The following GRIA2 variants were observed in gnomAD, a reference collection of about 807,000 sequenced individuals.
GRIA2 encodes the protein glutamate ionotropic receptor AMPA type subunit 2, also known as glutamate receptor 2.
A neutral mutation model predicts 97.3 loss-of-function variants in GRIA2; 14 were observed. The ratio of observed to expected loss-of-function variants is 0.14; its 90% CI spans 0.10 to 0.23. GRIA2 has a LOEUF of 0.23. GRIA2 is among the 10% of genes least tolerant of loss of function. The pLI is 1.00. For synonymous variants in GRIA2, 412 were observed against 387.8 expected (o/e 1.06, Z -0.73); for missense variants, 558 against 1,069.8 (o/e 0.52, Z 6.67).
intron 2 of GRIA2, among the ~76,000 whole-genome samples, chr4:157,254,580 T>C (rs1416824609): frequency 6.6e-6 from 1 of 152,004 alleles, no homozygotes; most frequent in Non-Finnish European, 1.5e-5. Context: ...TAAGAAGAGA[T>C]ACAAATATCC....
At position 157,361,385 on chromosome 4, in the gene GRIA2, T is replaced by C. The variant is rs1465793584; in HGVS notation, c.2406+261T>C. On this transcript the variant is annotated intron_variant, in intron 14 of 15. Transcript: ENST00000264426. The surrounding 1 kb of genome is among the most constrained non-coding windows in gnomAD (Gnocchi z 5.2). ...CTGCTGGTTACTTCCAGCGATACATTAATGCTCATTTGGCTCTGCAAATCT... is the reference window on the plus strand; with the variant it reads ...CTGCTGGTTACTTCCAGCGATACATCAATGCTCATTTGGCTCTGCAAATCT... Among the ~76,000 whole-genome samples the C allele has an allele frequency of 6.6e-6, 1 of 152,184 alleles. No homozygotes were observed. Among genetic ancestry groups the C allele is most frequent in the African/African-American group, 2.4e-5 (1 of 41,456 alleles).
In GRIA2 at chr4:157,341,432, A is replaced by C; in HGVS notation, c.2013A>C (p.Leu671Phe). 1.2e-6 allele frequency: 2 copies of C among 1,611,702 alleles called. No homozygotes were observed. The highest frequency in any genetic ancestry group is 1.1e-5 in the South Asian group (1 of 91,060). The change falls in exon 12 of 16, where the codon TTA becomes TTC. Residue 671 changes from leucine (L) to phenylalanine (F), a missense_variant. Physicochemically the swap from Leu to Phe is conservative, Grantham distance 22. This residue lies in a region of GRIA2 where 125 missense variants were observed against 310.2 expected (regional missense o/e 0.40). Transcript: ENST00000264426. ...SKQTEIAYGT[L>F]DSGSTKEFFR... is the part of the protein sequence containing the mutation. ...AAACAGAAATTGCTTATGGAACATT[A>C]GACTCTGGCTCCACTAAAGAGTTTT...
At chr4:157,281,894 A>C (rs572715796) in intron 2 of GRIA2, among the ~76,000 whole-genome samples, 1 of 152,162 alleles carries the variant, frequency 6.6e-6, no homozygotes, top group Non-Finnish European at 1.5e-5. Flanking sequence ...TCTTTAGCTC[A>C]TTTCTTTCTT....
chr4:157,354,599 AT>A (rs1483386370), intron 12 of GRIA2, among the ~76,000 whole-genome samples: 1 of 152,128 alleles, frequency 6.6e-6, no homozygotes, highest in Non-Finnish European at 1.5e-5. Context: ...TGTAGGCATC[AT>A]TTTTCTCCTC....
At position 157,256,167 on chromosome 4, in the gene GRIA2, G is replaced by A. The variant is rs1262447056; in HGVS notation, c.229+34360G>A. ...GTAATATTATATATTACATATATAT[G>A]TTATATATTATATATAATATATAAC... On this transcript the variant is annotated intron_variant, in intron 2 of 15. Transcript: ENST00000264426. Among the ~76,000 whole-genome samples the A allele has an allele frequency of 3.7e-5, 5 of 133,426 alleles. No individual in the cohort carries two copies. The East Asian group carries it at 8.3e-4, about 22-fold the overall frequency. 87.5% of individuals were successfully genotyped at this position (133,426 alleles called of 152,430 possible). A position where few individuals can be genotyped will look rare whatever the true frequency, so the allele number is the denominator to read the frequency against.
At chr4:157,287,714 T>G in intron 2 of GRIA2, among the ~76,000 whole-genome samples, 1 of 151,628 alleles carries the variant, frequency 6.6e-6, no homozygotes, top group East Asian at 1.9e-4. Context: ...TTTTTTTTTT[T>G]ATTTCATCCC....
intron 3 of GRIA2, among the ~76,000 whole-genome samples, chr4:157,311,490 A>G (rs1036234786): frequency 1.3e-5 from 2 of 152,034 alleles, no homozygotes; most frequent in Admixed American, 1.3e-4. Context: ...TTGAATCCAT[A>G]AAATTTTTAA....
chr4:157,316,400 G>T (rs1469180244), intron 4 of GRIA2, among the ~76,000 whole-genome samples: 1 of 152,108 alleles, frequency 6.6e-6, no homozygotes, highest in Admixed American at 6.6e-5. Flanking sequence ...GTGGCATATG[G>T]TAGAATCATT....
intron 2 of GRIA2, among the ~76,000 whole-genome samples, chr4:157,263,148 A>G (rs879786588): frequency 6.6e-6 from 1 of 152,088 alleles, no homozygotes; most frequent in Non-Finnish European, 1.5e-5. Context: ...GAAGCCGAAA[A>G]TATATTAAGC....
intron 9 of GRIA2, chr4:157,334,626 G>T (rs1411181019): frequency 6.6e-6 from 1 of 152,498 alleles, no homozygotes; most frequent in Non-Finnish European, 1.5e-5. Context: ...AATGAATAAG[G>T]AAAAATTGAA....
chr4:157,258,651 T>C (rs1183909525), intron 2 of GRIA2, among the ~76,000 whole-genome samples: 9 of 152,068 alleles, frequency 5.9e-5, no homozygotes, highest in Admixed American at 5.9e-4. Context: ...CCACACCCTA[T>C]TTGTACACTC....
intron 2 of GRIA2, among the ~76,000 whole-genome samples, chr4:157,300,061 A>G (rs1485229785): frequency 6.6e-6 from 1 of 151,482 alleles, no homozygotes; most frequent in African/African-American, 2.4e-5. Flanking sequence ...ATTGATTTTC[A>G]GAGTTTATGA....
intron 2 of GRIA2, among the ~76,000 whole-genome samples, chr4:157,275,262 A>C (rs1156442454): frequency 6.6e-6 from 1 of 152,076 alleles, no homozygotes; most frequent in Non-Finnish European, 1.5e-5. Flanking sequence ...TAGATTCTGG[A>C]TATTAGCCCT....
chr4:157,296,505 A>T (rs1184732320), intron 2 of GRIA2, among the ~76,000 whole-genome samples: 1 of 152,184 alleles, frequency 6.6e-6, no homozygotes, highest in African/African-American at 2.4e-5. Context: ...TGTCAATAAC[A>T]CATTTACCTA....
chr4:157,261,615 T>C (rs1381286266), intron 2 of GRIA2, among the ~76,000 whole-genome samples: 6 of 152,152 alleles, frequency 3.9e-5, no homozygotes, highest in Admixed American at 3.9e-4. Context: ...ATAAGCCAGT[T>C]TGCTGAAAGA....
chr4:157,248,825 T>A (rs1446611165), intron 2 of GRIA2, among the ~76,000 whole-genome samples: 1 of 144,060 alleles, frequency 6.9e-6, no homozygotes, highest in Admixed American at 7.0e-5. Flanking sequence ...AATAAAATAA[T>A]TCTTTTTTTA....
chr4:157,247,706 G>A (rs1561008828), intron 2 of GRIA2, among the ~76,000 whole-genome samples: 2 of 152,068 alleles, frequency 1.3e-5, no homozygotes, highest in Admixed American at 6.6e-5. Context: ...GCTGAGATCA[G>A]AGTTATCCAA....
intron 2 of GRIA2, among the ~76,000 whole-genome samples, chr4:157,242,128 G>C (rs937480381): frequency 1.3e-5 from 2 of 151,888 alleles, no homozygotes; most frequent in Non-Finnish European, 2.9e-5. Flanking sequence ...GTATCTTTTT[G>C]ATATTTTATC....
intron 2 of GRIA2, among the ~76,000 whole-genome samples, chr4:157,278,172 A>T (rs1732433397): frequency 6.6e-6 from 1 of 151,726 alleles, no homozygotes; most frequent in African/African-American, 2.4e-5. Flanking sequence ...CACAATATTA[A>T]AGAAGATGAA....
Sources: allele counts gnomAD v4.1 joint callset (sites outside exome capture counted in the v4.1 genomes callset), GRCh38; gene constraint gnomAD v4.1.1; regional missense constraint gnomAD v4.1.1; non-coding constraint Gnocchi (gnomAD v3.1); transcripts MANE v1.5; gene names NCBI Gene and HGNC (gene_info 2026-07-23, HGNC 2026-07-21).